The following MAK16 variants were observed in gnomAD, a reference collection of about 807,000 sequenced individuals.
MAK16 encodes the protein MAK16 homolog.
In MAK16, 12 loss-of-function variants were observed where a neutral mutation model predicts 49.9. That is an observed-to-expected ratio of 0.24 (90% CI 0.15 to 0.39). MAK16 has a LOEUF of 0.39. Among genes scored for constraint, MAK16 ranks in the 10% least tolerant of loss-of-function variants. The pLI is 1.00. For synonymous variants in MAK16, 115 were observed against 126.4 expected, an observed-to-expected ratio of 0.91 and a Z score of 0.60; for missense variants, 292 against 363.7, an observed-to-expected ratio of 0.80 and a Z score of 1.60.
chr8:33,488,818 TAC>T lies in MAK16; in HGVS notation c.240+22_240+23del. 6.2e-7 allele frequency: 1 copy of T among 1,613,554 alleles called. No individual in the cohort carries two copies. The highest frequency in any genetic ancestry group is 1.3e-5 in the African/African-American group (1 of 75,032). Reference sequence around the variant, plus strand: ...GAACGGGTAAGCCTTACAACAAAACTACAGTGACCGCTGATCAAGAGCATCAA... The same window carrying T: ...GAACGGGTAAGCCTTACAACAAAACTAGTGACCGCTGATCAAGAGCATCAA... On this transcript the variant is annotated intron_variant, in intron 4 of 9. Coordinates refer to ENST00000360128, the MANE Select transcript of MAK16 (RefSeq NM_032509.4).
chr8:33,500,785 G>A lies in MAK16; in HGVS notation c.*2156G>A, dbSNP rs1481222056. On this transcript the variant is annotated 3_prime_UTR_variant, in exon 10 of 10. Transcript: ENST00000360128. Reference sequence around the variant, plus strand: ...CAGCTCCTTCATGGGCTGAGAAGGGGAAACCAGGATCTCCCCAACCAAGGG... The same window carrying A: ...CAGCTCCTTCATGGGCTGAGAAGGGAAAACCAGGATCTCCCCAACCAAGGG... The A allele has an allele frequency of 6.3e-6, 2 of 317,614 alleles. No individual in the cohort carries two copies. Among genetic ancestry groups the A allele is most frequent in the Admixed American group, 4.6e-5 (1 of 21,788 alleles). 19.7% of individuals were successfully genotyped at this position (317,614 alleles called of 1,614,324 possible). A position where few individuals can be genotyped will look rare whatever the true frequency, so the allele number is the denominator to read the frequency against.
chr8:33,488,491 T>C, intron 2 of MAK16, 29 bp from the exon 3 acceptor site: 1 of 1,613,872 alleles, frequency 6.2e-7, no homozygotes, highest in African/African-American at 1.3e-5. Context: ...ACCCATTTTA[T>C]AATCTTTGTT....
chr8:33,494,730 C>T lies in MAK16; in HGVS notation c.448-812C>T, dbSNP rs144190204. 1.9e-4 allele frequency among the ~76,000 whole-genome samples: 29 copies of T among 151,956 alleles called. No individual in the cohort carries two copies. In the East Asian group the frequency reaches 5.6e-3, roughly 29 times the overall value. On this transcript the variant is annotated intron_variant, in intron 6 of 9. Transcript: ENST00000360128. The stretch of plus-strand genomic sequence containing the variant: ...TTTTCTTCCTACACTTCAGCGGATA[C>T]CCTTGAAGTGTAAACACCCCACTCT...
At chr8:33,497,889 AG>A (rs1808902241) in intron 9 of MAK16, among the ~76,000 whole-genome samples, 1 of 151,342 alleles carries the variant, frequency 6.6e-6, no homozygotes, top group Non-Finnish European at 1.5e-5. Flanking sequence ...TGAGGTCAGG[AG>A]TTCGAGACCA....
At chr8:33,495,001 A>G (rs992622475) in intron 6 of MAK16, among the ~76,000 whole-genome samples, 1 of 152,220 alleles carries the variant, frequency 6.6e-6, no homozygotes, top group Non-Finnish European at 1.5e-5. Context: ...ACTTACAGAT[A>G]TAACACTTTA....
chr8:33,500,347 C>G lies in MAK16; in HGVS notation c.*1718C>G. On this transcript the variant is annotated 3_prime_UTR_variant, in exon 10 of 10. Transcript: ENST00000360128. ...CCTTACCTTTACCCGTCCTTGAGAA[C>G]AGCGGTCCAGGAGAATCAGGCAGTC... 2 of 1,614,078 alleles carry G rather than the reference C, an allele frequency of 1.2e-6. No homozygotes were observed. Among genetic ancestry groups the G allele is most frequent in the Non-Finnish European group, 1.7e-6 (2 of 1,180,014 alleles).
rs764359178 is a variant in MAK16 at position 33,496,757 on chromosome 8, G to A, written c.639+16G>A. The A allele has an allele frequency of 1.3e-5, 21 of 1,574,698 alleles. No individual in the cohort carries two copies. Among genetic ancestry groups the A allele is most frequent in the Middle Eastern group, 3.3e-4 (2 of 5,994 alleles). On this transcript the variant is annotated intron_variant, in intron 8 of 9. Coordinates refer to ENST00000360128, the MANE Select transcript of MAK16 (RefSeq NM_032509.4). The stretch of plus-strand genomic sequence containing the variant: ...TGATGAGGAAGTAAGTCTTGTTTTT[G>A]TTTTGCCAAACCTACTAGATACCAT...
At chr8:33,488,214 C>T (rs1184863205) in intron 1 of MAK16, among the ~76,000 whole-genome samples, 164 bp from the exon 2 acceptor site, 6 of 152,214 alleles carry the variant, frequency 3.9e-5, no homozygotes, top group African/African-American at 1.2e-4. Flanking sequence ...AGGCGTGAGC[C>T]ACCGTGCCCG....
At chr8:33,486,149 G>GCCT (rs1808683627) in intron 1 of MAK16, among the ~76,000 whole-genome samples, 1 of 152,214 alleles carries the variant, frequency 6.6e-6, no homozygotes, top group African/African-American at 2.4e-5. Flanking sequence ...AATCTTGTAG[G>GCCT]AAGTGTTTTT....
At position 33,499,409 on chromosome 8, in the gene MAK16, A is replaced by G; in HGVS notation, c.*780A>G. The G allele has an allele frequency of 1.4e-6, 1 of 695,562 alleles. No homozygotes were observed. Among genetic ancestry groups the G allele is most frequent in the Non-Finnish European group, 2.6e-6 (1 of 392,020 alleles). The allele number at this position is 695,562 out of a possible 1,614,324, so 43.1% of individuals were successfully genotyped here. A position where few individuals can be genotyped will look rare whatever the true frequency, so the allele number is the denominator to read the frequency against. ...GATGACACTTAGGGACAGGTCACTA[A>G]GCAGAATAGGTATTAGTTGGTTTTT... On this transcript the variant is annotated 3_prime_UTR_variant, in exon 10 of 10. Transcript: ENST00000360128.
chr8:33,494,937 C>A (rs968347174), intron 6 of MAK16, among the ~76,000 whole-genome samples: 1 of 152,122 alleles, frequency 6.6e-6, no homozygotes, highest in African/African-American at 2.4e-5. Context: ...CGCTAACATG[C>A]CTGGCTAATT....
In MAK16 at chr8:33,499,365, T is replaced by C. The variant is rs565658884; in HGVS notation, c.*736T>C. 247 of 960,494 alleles carry C rather than the reference T, an allele frequency of 2.6e-4. No individual in the cohort carries two copies. In the South Asian group the frequency reaches 3.2e-3, roughly 13 times the overall value. The allele number at this position is 960,494 out of a possible 1,614,324, so 59.5% of individuals were successfully genotyped here. On this transcript the variant is annotated 3_prime_UTR_variant, in exon 10 of 10. Transcript: ENST00000360128. ...TTGATTCTTCTTCCTTGGTATCATATTCAAAGGAGGAAAGAATGGATGACA... is the reference window on the plus strand; with the variant it reads ...TTGATTCTTCTTCCTTGGTATCATACTCAAAGGAGGAAAGAATGGATGACA...
intron 6 of MAK16, among the ~76,000 whole-genome samples, chr8:33,490,634 T>C (rs7009262): frequency 9.1e-4 from 139 of 152,352 alleles, no homozygotes; most frequent in African/African-American, 3.1e-3. Context: ...TGATGTTGCA[T>C]ATTTTACATA....
chr8:33,497,085 T>C (rs1056695107), intron 8 of MAK16, 147 bp from the exon 9 acceptor site: 3 of 596,996 alleles, frequency 5.0e-6, no homozygotes, highest in Non-Finnish European at 8.6e-6. Flanking sequence ...TTTTTAAAAT[T>C]CAGAAGCATT....
chr8:33,486,198 A>G (rs1808684303), intron 1 of MAK16, among the ~76,000 whole-genome samples: 1 of 152,138 alleles, frequency 6.6e-6, no homozygotes, highest in African/African-American at 2.4e-5. Flanking sequence ...AAAGTTGTCT[A>G]GTTGCTGTGT....
Position 33,498,557 on chromosome 8 carries a change from G to A in MAK16, c.831G>A (p.Gln277=), listed in dbSNP as rs578048840. ...KGKMPLRGPL[Q]RKRAYVEIEY... is the part of the protein sequence containing the mutation. ...AAATGCCCTTGAGAGGACCACTGCA[G>A]AGAAAACGAGCCTATGTGGAAATAG... The change falls in exon 10 of 10, where the codon CAG becomes CAA. Residue 277 remains glutamine (Q), a synonymous_variant. Coordinates refer to ENST00000360128, the MANE Select transcript of MAK16 (RefSeq NM_032509.4). 1.5e-5 allele frequency: 24 copies of A among 1,614,142 alleles called. 1 individual carries two copies. In the South Asian group the frequency reaches 2.5e-4, roughly 17 times the overall value.
At chr8:33,495,774 T>C (rs576769100) in intron 7 of MAK16, among the ~76,000 whole-genome samples, 158 bp downstream of exon 7, 2 of 133,596 alleles carry the variant, frequency 1.5e-5, no homozygotes, top group East Asian at 5.1e-4. Flanking sequence ...TAGAGTGCAG[T>C]GGTGCAATCT....
At chr8:33,488,912 C>A in intron 4 of MAK16, 76 bp from the exon 5 acceptor site, 1 of 1,602,632 alleles carries the variant, frequency 6.2e-7, no homozygotes, top group Non-Finnish European at 8.5e-7. Flanking sequence ...CTCATTAGGC[C>A]ATGGGTGTCA....
intron 6 of MAK16, 64 bp from the exon 7 acceptor site, chr8:33,495,478 C>T: frequency 7.3e-7 from 1 of 1,370,884 alleles, no homozygotes; most frequent in Non-Finnish European, 1.0e-6. Context: ...TAGTTTCTTC[C>T]ATTTTTATAA....
Sources: allele counts gnomAD v4.1 joint callset (sites outside exome capture counted in the v4.1 genomes callset), GRCh38; gene constraint gnomAD v4.1.1; transcripts MANE v1.5; gene names NCBI Gene and HGNC (gene_info 2026-07-23, HGNC 2026-07-21).